FAM135B: variants seen among roughly 807,000 people sequenced by gnomAD.
FAM135B encodes the protein protein FAM135B.
Under a neutral mutation model 127.7 loss-of-function variants are expected in FAM135B, and 43 were observed. The observed-to-expected ratio is 0.34, with a 90% CI of 0.26 to 0.43. FAM135B has a LOEUF of 0.43. FAM135B is among the 20% of genes least tolerant of loss of function. The pLI is 1.00. For synonymous variants in FAM135B, 670 were observed against 665.1 expected, an observed-to-expected ratio of 1.01 and a Z score of -0.11; for missense variants, 1,558 against 1,725.6, an observed-to-expected ratio of 0.90 and a Z score of 1.72.
In FAM135B at chr8:138,402,140, G is replaced by A. The variant is rs183307908; in HGVS notation, c.-19-34138C>T. ...AAAACAAAGAGAAGGAATAGCTGCA[G>A]GTCAACTCCAAAATCACTGGGGGCT... On this transcript the variant is annotated intron_variant, in intron 1 of 19. Transcript: ENST00000395297. Among the ~76,000 whole-genome samples the A allele has an allele frequency of 5.3e-5, 8 of 152,168 alleles. No homozygotes were observed. The East Asian group carries it at 1.5e-3, about 29-fold the overall frequency.
At chr8:138,181,116 C>T (rs1438075881) in intron 9 of FAM135B, among the ~76,000 whole-genome samples, 1 of 151,966 alleles carries the variant, frequency 6.6e-6, no homozygotes, top group African/African-American at 2.4e-5. Context: ...TGGCAGGTGC[C>T]TATAGTCCCA....
intron 2 of FAM135B, among the ~76,000 whole-genome samples, chr8:138,348,761 CT>C (rs2131103540): frequency 6.6e-6 from 1 of 152,328 alleles, no homozygotes; most frequent in South Asian, 2.1e-4. Flanking sequence ...ATTGATCTTC[CT>C]GGGAAACCAT....
intron 4 of FAM135B, among the ~76,000 whole-genome samples, chr8:138,264,413 G>T (rs1822764355): frequency 6.6e-6 from 1 of 152,144 alleles, no homozygotes; most frequent in African/African-American, 2.4e-5. Context: ...TCCACTTTGG[G>T]TACAGTTGTA....
In FAM135B at chr8:138,178,233, G is replaced by A. The variant is rs138491895; in HGVS notation, c.1029+302C>T. ...ACTGCACTCCAGTCTGGGTGACAGA[G>A]CGAGACACCATCTCAAAGAAAAAAA... On this transcript the variant is annotated intron_variant, in intron 10 of 19. Coordinates refer to ENST00000395297, the MANE Select transcript of FAM135B (RefSeq NM_015912.4). Among the ~76,000 whole-genome samples, 785 of 149,498 alleles carry A rather than the reference G, an allele frequency of 5.3e-3. 4 individuals are homozygous for A. The highest frequency in any genetic ancestry group is 0.016 in the African/African-American group (635 of 40,416).
intron 7 of FAM135B, among the ~76,000 whole-genome samples, chr8:138,237,951 C>T (rs1252691969): frequency 6.6e-6 from 1 of 152,198 alleles, no homozygotes; most frequent in Non-Finnish European, 1.5e-5. Context: ...CATGTGCCAG[C>T]TGCCCCCAAC....
intron 3 of FAM135B, among the ~76,000 whole-genome samples, chr8:138,266,057 C>T (rs893795392): frequency 2.0e-5 from 3 of 152,150 alleles, no homozygotes; most frequent in East Asian, 1.9e-4. Context: ...CCATCCCTTA[C>T]AAGCGATAAA....
intron 9 of FAM135B, among the ~76,000 whole-genome samples, chr8:138,188,578 C>T (rs1372152800): frequency 2.0e-5 from 3 of 152,176 alleles, no homozygotes; most frequent in Middle Eastern, 3.2e-3. Flanking sequence ...TTCCTCATGG[C>T]TCTCTGTGAC....
At chr8:138,186,279 T>A (rs1472256770) in intron 9 of FAM135B, among the ~76,000 whole-genome samples, 5 of 152,208 alleles carry the variant, frequency 3.3e-5, no homozygotes, top group Admixed American at 3.3e-4. Context: ...GTATCTTCCA[T>A]CTTTGTATAA....
intron 1 of FAM135B, among the ~76,000 whole-genome samples, chr8:138,435,610 A>G (rs1352596670): frequency 1.3e-5 from 2 of 152,240 alleles, no homozygotes; most frequent in African/African-American, 2.4e-5. Context: ...GTAGTTATGT[A>G]TAGTTTTAGA....
intron 1 of FAM135B, among the ~76,000 whole-genome samples, chr8:138,390,553 C>T (rs1206735822): frequency 1.3e-5 from 2 of 152,098 alleles, no homozygotes; most frequent in African/African-American, 4.8e-5. Flanking sequence ...ATATAGTGTC[C>T]TATACTTTAT....
rs139771405 is a variant in FAM135B at position 138,183,761 on chromosome 8, C to T, written c.874-5071G>A. 4.6e-5 allele frequency among the ~76,000 whole-genome samples: 7 copies of T among 152,316 alleles called. No individual in the cohort carries two copies. The East Asian group carries it at 1.3e-3, about 29-fold the overall frequency. ...AGAAAATTCAAGTTGTTCCGGGAGA[C>T]TTTCTATCAATGAAAAATGAAATCC... On this transcript the variant is annotated intron_variant, in intron 9 of 19. Transcript: ENST00000395297.
At position 138,385,358 on chromosome 8, in the gene FAM135B, C is replaced by T. The variant is rs116653964; in HGVS notation, c.-19-17356G>A. 1.7e-3 allele frequency among the ~76,000 whole-genome samples: 263 copies of T among 152,282 alleles called. 3 individuals carry two copies. Among genetic ancestry groups the T allele is most frequent in the African/African-American group, 6.0e-3 (250 of 41,542 alleles). On this transcript the variant is annotated intron_variant, in intron 1 of 19. Coordinates refer to ENST00000395297, the MANE Select transcript of FAM135B (RefSeq NM_015912.4). ...TATTACCTCCAGGAAAGCTGCACCT[C>T]GTTTGTCCCTGGCATGCTCTATCCC...
intron 7 of FAM135B, among the ~76,000 whole-genome samples, chr8:138,202,146 C>T (rs1379590306): frequency 2.7e-5 from 2 of 74,388 alleles, no homozygotes; most frequent in Non-Finnish European, 5.4e-5. Context: ...AAAAAGGCAC[C>T]TCTCCCCTTC....
At chr8:138,325,517 A>T (rs1273319985) in intron 2 of FAM135B, among the ~76,000 whole-genome samples, 1 of 152,182 alleles carries the variant, frequency 6.6e-6, no homozygotes, top group African/African-American at 2.4e-5. Context: ...GAAAGATTTC[A>T]AGAAAATTAC....
At chr8:138,371,938 C>T (rs1290386910) in intron 1 of FAM135B, among the ~76,000 whole-genome samples, 1 of 152,188 alleles carries the variant, frequency 6.6e-6, no homozygotes, top group African/African-American at 2.4e-5. Context: ...CTCTAAAGCA[C>T]ATGATGCTTA....
intron 1 of FAM135B, among the ~76,000 whole-genome samples, chr8:138,424,346 C>T (rs1433764247): frequency 6.6e-6 from 1 of 152,210 alleles, no homozygotes; most frequent in Non-Finnish European, 1.5e-5. Flanking sequence ...ATGACATCTT[C>T]ACAATTTATG....
intron 7 of FAM135B, among the ~76,000 whole-genome samples, chr8:138,232,679 A>C (rs566171134): frequency 1.3e-5 from 2 of 152,334 alleles, no homozygotes; most frequent in African/African-American, 4.8e-5. Flanking sequence ...AATTCTTAAA[A>C]TAGTAAAAGT....
intron 17 of FAM135B, 45 bp from the exon 18 acceptor site, chr8:138,139,141 A>C: frequency 2.5e-6 from 3 of 1,212,982 alleles, no homozygotes; most frequent in Non-Finnish European, 3.6e-6. Context: ...ACAAAACAAA[A>C]CAAAAACTAA....
At chr8:138,245,859 G>A (rs1428072438) in intron 6 of FAM135B, among the ~76,000 whole-genome samples, 1 of 152,100 alleles carries the variant, frequency 6.6e-6, no homozygotes, top group African/African-American at 2.4e-5. Flanking sequence ...ACAGGAAGAT[G>A]TGGTAAAGTT....
Sources: gnomAD v4.1 joint callset for allele counts (sites outside exome capture counted in the v4.1 genomes callset) on GRCh38, gnomAD v4.1.1 for gene constraint, MANE v1.5 for transcripts, NCBI Gene and HGNC (gene_info 2026-07-23, HGNC 2026-07-21) for gene names.